MYO6: variants seen among roughly 807,000 people sequenced by gnomAD.
The protein encoded by MYO6 is unconventional myosin-VI.
In MYO6, 74 loss-of-function variants were observed where a neutral mutation model predicts 178.7. The observed-to-expected ratio is 0.41, with a 90% confidence interval of 0.34 to 0.50. MYO6 has a LOEUF of 0.50. MYO6 is among the 20% of genes least tolerant of loss of function. The pLI, the probability that MYO6 is intolerant of heterozygous loss-of-function variation, is 0.09. For synonymous variants in MYO6, 477 were observed against 504.6 expected (o/e 0.95, Z 0.73); for missense variants, 1,330 against 1,547.4 (o/e 0.86, Z 2.36).
chr6:75,859,058 T>TA, intron 14 of MYO6, 65 bp downstream of exon 14: 1 of 1,055,084 alleles, frequency 9.5e-7, no homozygotes, highest in African/African-American at 1.6e-5. Flanking sequence ...AAGGAAGAGA[T>TA]ATGCTGCAGT....
intron 20 of MYO6, among the ~76,000 whole-genome samples, chr6:75,878,830 A>G (rs116663369): frequency 1.6e-3 from 239 of 152,276 alleles, no homozygotes; most frequent in African/African-American, 5.5e-3. Context: ...CTTGTAAATA[A>G]AAGTCCTGGC....
At chr6:75,895,343 T>C in intron 29 of MYO6, 83 bp downstream of exon 29, 1 of 1,123,500 alleles carries the variant, frequency 8.9e-7, no homozygotes, top group Non-Finnish European at 1.3e-6. Context: ...AAATTTTAAA[T>C]TATTTTCTTC....
intron 29 of MYO6, among the ~76,000 whole-genome samples, chr6:75,896,239 A>G (rs1034302847): frequency 6.6e-6 from 1 of 152,208 alleles, no homozygotes; most frequent in Non-Finnish European, 1.5e-5. Context: ...GATGCAACCT[A>G]TGTAAACAAC....
At chr6:75,888,260 C>T (rs1201903971) in intron 25 of MYO6, among the ~76,000 whole-genome samples, 8 of 151,674 alleles carry the variant, frequency 5.3e-5, no homozygotes, top group African/African-American at 1.5e-4. Flanking sequence ...CCTGCCTCAG[C>T]GACAGAGTGA....
Position 75,879,951 on chromosome 6 carries a change from GTA to G in MYO6, c.2208+4_2208+5del. 1 of 1,614,012 alleles carries G rather than the reference GTA, an allele frequency of 6.2e-7. No individual in the cohort carries two copies. On this transcript the variant is annotated splice_donor_variant and splice_donor_region_variant and intron_variant, in intron 21 of 34. Transcript: ENST00000369977. LOFTEE classifies it high-confidence loss of function. ...ATTGGATCCAAGACTATTTTGTAAG[GTA>G]TAAATGCCACCCAAATTGAAATTTC... is the stretch of plus-strand genomic sequence containing the variant.
rs776741456 is a variant in MYO6 at position 75,830,473 on chromosome 6, T to C, written c.319T>C (p.Tyr107His). ...TCCATACTTTGACATACCTAAAATA[T>C]ATTCTTCAGAAGCAATAAAGTCATA... Reference protein sequence around the residue: ...VNPYFDIPKIYSSEAIKSYQG... With the variant: ...VNPYFDIPKIHSSEAIKSYQG... Residue 107 changes from tyrosine (Y) to histidine (H), a missense_variant, in exon 5 of 35, where the codon TAT becomes CAT. Transcript: ENST00000369977. 3 of 1,612,302 alleles carry C rather than the reference T, an allele frequency of 1.9e-6. No homozygotes were observed. The highest frequency in any genetic ancestry group is 1.7e-5 in the Admixed American group (1 of 60,008).
At chr6:75,907,816 GTA>G (rs1780456070) in intron 31 of MYO6, 108 bp downstream of exon 31, 3 of 776,332 alleles carry the variant, frequency 3.9e-6, no homozygotes, top group Admixed American at 2.1e-5. Context: ...GTGTGTGTGT[GTA>G]TGTGTGTATG....
rs757118339 is a variant in MYO6, at chr6:75,857,053, G to T, written c.1224-44G>T. On this transcript the variant is annotated intron_variant, in intron 12 of 34. Transcript: ENST00000369977. ...GTGCACTCTGTGGCATTTTCACAGT[G>T]CACTATTATAAAGAATTTTTACTAG... 6 of 1,590,402 alleles carry T rather than the reference G, an allele frequency of 3.8e-6. No homozygotes were observed. The Admixed American group carries it at 5.0e-5, about 13-fold the overall frequency.
chr6:75,811,762 G>C (rs2150148729), intron 1 of MYO6, among the ~76,000 whole-genome samples: 1 of 152,152 alleles, frequency 6.6e-6, no homozygotes, highest in South Asian at 2.1e-4. Context: ...GAAACTGACT[G>C]GTGGCTTCAA....
intron 1 of MYO6, among the ~76,000 whole-genome samples, chr6:75,760,027 TC>T (rs1348985563): frequency 6.6e-6 from 1 of 152,226 alleles, no homozygotes; most frequent in African/African-American, 2.4e-5. Context: ...AATAAGTCTT[TC>T]GCTTTTCTGG....
chr6:75,844,761 A>T, intron 9 of MYO6, 136 bp from the exon 10 acceptor site: 1 of 635,706 alleles, frequency 1.6e-6, no homozygotes, highest in African/African-American at 1.8e-5. Flanking sequence ...ATTGATTTGA[A>T]TGGTGAGATT....
At chr6:75,872,704 A>C (rs565022040) in intron 19 of MYO6, among the ~76,000 whole-genome samples, 33 of 152,206 alleles carry the variant, frequency 2.2e-4, no homozygotes, top group African/African-American at 7.9e-4. Flanking sequence ...AAAATGTAGT[A>C]TTTTTGTAAT....
rs1399797184 is a variant in MYO6, at chr6:75,890,066, A to C, written c.2668A>C (p.Met890Leu). The C allele has an allele frequency of 6.2e-7, 1 of 1,612,556 alleles. No homozygotes were observed. Among genetic ancestry groups the C allele is most frequent in the Non-Finnish European group, 8.5e-7 (1 of 1,178,730 alleles). ...ATTTTATTTTTTAAAGTCCACTATG[A>C]TGACGCAGGAACAAATCCAGAAAGA... Reference protein sequence around the residue: ...TLMAKIKSTMMTQEQIQKEYD... With the variant: ...TLMAKIKSTMLTQEQIQKEYD... Residue 890 changes from methionine to leucine, a missense_variant, in exon 26 of 35, where the codon ATG becomes CTG. Physicochemically the swap from Met to Leu is conservative, Grantham distance 15 (BLOSUM62 2). Coordinates refer to ENST00000369977, the MANE Select transcript of MYO6 (RefSeq NM_004999.4).
In MYO6 at chr6:75,757,274, CAT is replaced by C. The variant is rs560875095; in HGVS notation, c.-48+7855_-48+7856del. Among the ~76,000 whole-genome samples, 89 of 146,170 alleles carry C rather than the reference CAT, an allele frequency of 6.1e-4. 1 individual carries two copies. Among genetic ancestry groups the C allele is most frequent in the African/African-American group, 1.3e-3 (50 of 39,882 alleles). On this transcript the variant is annotated intron_variant, in intron 1 of 34. Transcript: ENST00000369977. ...ATGTGTGTGTATATATGTATATAGACATATACACAATATATGTGTGTGTATGT... is the reference window on the plus strand; with the variant it reads ...ATGTGTGTGTATATATGTATATAGACATACACAATATATGTGTGTGTATGT...
At chr6:75,805,574 AG>A (rs1769993589) in intron 1 of MYO6, among the ~76,000 whole-genome samples, 1 of 152,210 alleles carries the variant, frequency 6.6e-6, no homozygotes, top group Non-Finnish European at 1.5e-5. Flanking sequence ...AAATTAGTGT[AG>A]TAGCTTTGAA....
chr6:75,823,483 A>G (rs1772120228), intron 3 of MYO6, among the ~76,000 whole-genome samples: 3 of 152,226 alleles, frequency 2.0e-5, no homozygotes. Flanking sequence ...GGATTTCATT[A>G]AAGGTACTTG....
chr6:75,914,941 C>T lies in MYO6; in HGVS notation c.3787C>T (p.Gln1263Ter), dbSNP rs1253741585. ...ACGCTGTGGAGGCATCCAGTACCTT[C>T]AGAATGCGATTGAGAGCAGACAGGC... ...WERCGGIQYL[Q>*]NAIESRQARP... Residue 1263 changes from glutamine (Q) to a stop codon, truncating the protein, a stop_gained, in exon 35 of 35, where the codon CAG (glutamine) becomes TAG (stop). Coordinates refer to ENST00000369977, the MANE Select transcript of MYO6 (RefSeq NM_004999.4). LOFTEE classifies it high-confidence loss of function. 8.1e-6 allele frequency: 13 copies of T among 1,613,998 alleles called. No individual in the cohort carries two copies. The highest frequency in any genetic ancestry group is 1.3e-5 in the African/African-American group (1 of 74,908).
chr6:75,906,250 G>A (rs376079306), intron 30 of MYO6, among the ~76,000 whole-genome samples: 1 of 152,148 alleles, frequency 6.6e-6, no homozygotes, highest in African/African-American at 2.4e-5. Flanking sequence ...GTTACCTTGA[G>A]CTTAAAGTCT....
At chr6:75,907,178 C>T (rs1013983129) in intron 30 of MYO6, among the ~76,000 whole-genome samples, 1 of 152,174 alleles carries the variant, frequency 6.6e-6, no homozygotes, top group Non-Finnish European at 1.5e-5. Flanking sequence ...GGTGATCGCA[C>T]TGTGCAGCCT....
Sources: gnomAD v4.1 joint callset for allele counts (sites outside exome capture counted in the v4.1 genomes callset) on GRCh38, gnomAD v4.1.1 for gene constraint, MANE v1.5 for transcripts, NCBI Gene and HGNC (gene_info 2026-07-23, HGNC 2026-07-21) for gene names.